The following CAMTA1 variants were observed in gnomAD, a reference collection of about 807,000 sequenced individuals.
CAMTA1 encodes calmodulin-binding transcription activator 1.
In CAMTA1, 27 loss-of-function variants were observed where a neutral mutation model predicts 170.9. That is an observed-to-expected ratio of 0.16 (90% CI 0.12 to 0.22). CAMTA1 has a LOEUF of 0.22. Ranked by LOEUF, CAMTA1 falls within the 10% of genes least tolerant of loss-of-function variation. The pLI is 1.00. For synonymous variants in CAMTA1, 833 were observed against 891.5 expected (o/e 0.93, Z 1.17); for missense variants, 1,619 against 2,217.2 (o/e 0.73, Z 5.42).
intron 5 of CAMTA1, among the ~76,000 whole-genome samples, chr1:7,440,784 G>A (rs1172875028): frequency 1.3e-5 from 2 of 152,230 alleles, no homozygotes; most frequent in Non-Finnish European, 2.9e-5. Flanking sequence ...TGCGGGCCAA[G>A]CGACATCAGC....
chr1:7,111,082 C>G (rs1644008648), intron 4 of CAMTA1, among the ~76,000 whole-genome samples: 1 of 152,218 alleles, frequency 6.6e-6, no homozygotes, highest in Non-Finnish European at 1.5e-5. Context: ...GGTCCCTTCC[C>G]CCATCTTGAG....
Position 7,050,197 on chromosome 1 carries a change from G to A in CAMTA1, c.235-41107G>A, listed in dbSNP as rs1220370581. 6.6e-6 allele frequency among the ~76,000 whole-genome samples: 1 copy of A among 152,222 alleles called. No individual in the cohort carries two copies. Among genetic ancestry groups the A allele is most frequent in the East Asian group, 1.9e-4 (1 of 5,196 alleles). ...ACCGGCAGGGCCACGGAGGACTCAG[G>A]CGGCTGTTCCCGGCCTGCACCCTGG... On this transcript the variant is annotated intron_variant, in intron 3 of 22. Coordinates refer to ENST00000303635, the MANE Select transcript of CAMTA1 (RefSeq NM_015215.4). The surrounding 1 kb of genome is among the most constrained non-coding windows in gnomAD (Gnocchi z 4.8).
At chr1:7,323,124 T>A (rs6686161) in intron 5 of CAMTA1, among the ~76,000 whole-genome samples, 112,619 of 151,156 alleles carry the variant, frequency 0.75, 42,956 homozygotes, top group African/African-American at 0.9. Flanking sequence ...CTCCTTTTTT[T>A]AAAAAATTAA....
chr1:7,362,044 C>T (rs1305501218), intron 5 of CAMTA1, among the ~76,000 whole-genome samples: 1 of 152,234 alleles, frequency 6.6e-6, no homozygotes, highest in Non-Finnish European at 1.5e-5. Flanking sequence ...TTTCTCTATA[C>T]TTGGACAGGG....
rs11587771 is a variant in CAMTA1, at chr1:7,064,942, C to G, written c.235-26362C>G. Among the ~76,000 whole-genome samples, 30,986 of 152,026 alleles carry G rather than the reference C, an allele frequency of 0.2. 3,342 individuals are homozygous for G. The highest frequency in any genetic ancestry group is 0.23 in the Middle Eastern group (68 of 294). ...AGAAGAGGACAGCTTGGGGATGTCC[C>G]TCAGAGTTAGAACCAACAGAGTTTG... On this transcript the variant is annotated intron_variant, in intron 3 of 22. Coordinates refer to ENST00000303635, the MANE Select transcript of CAMTA1 (RefSeq NM_015215.4). This position sits in a 1 kb window ranked among gnomAD's most constrained non-coding sequence, Gnocchi z 5.4.
At chr1:6,980,764 C>T (rs868755027) in intron 3 of CAMTA1, among the ~76,000 whole-genome samples, 1 of 152,192 alleles carries the variant, frequency 6.6e-6, no homozygotes, top group Non-Finnish European at 1.5e-5. Context: ...TTTGCTTCTC[C>T]TTTGCCTTCC....
chr1:7,161,439 A>T (rs1433784623), intron 4 of CAMTA1, among the ~76,000 whole-genome samples: 1 of 152,180 alleles, frequency 6.6e-6, no homozygotes, highest in East Asian at 1.9e-4. Flanking sequence ...CCCAAATCTC[A>T]TCTTGAATTG....
intron 4 of CAMTA1, among the ~76,000 whole-genome samples, chr1:7,163,892 G>A (rs116486947): frequency 0.013 from 1,951 of 152,272 alleles, 46 homozygotes; most frequent in African/African-American, 0.045. Flanking sequence ...CTAATTACTG[G>A]TGCACTCGTT....
chr1:7,705,865 A>G (rs1295080652), intron 11 of CAMTA1, among the ~76,000 whole-genome samples: 1 of 152,186 alleles, frequency 6.6e-6, no homozygotes, highest in Non-Finnish European at 1.5e-5. Flanking sequence ...TTCCCTGCAG[A>G]CTGGCGACCA....
intron 6 of CAMTA1, among the ~76,000 whole-genome samples, chr1:7,618,335 G>T (rs1430713181): frequency 6.6e-6 from 1 of 152,178 alleles, no homozygotes; most frequent in Non-Finnish European, 1.5e-5. Flanking sequence ...AGCCTCAGCA[G>T]CTCCCCACCC....
chr1:7,184,316 A>T (rs980683655), intron 4 of CAMTA1, among the ~76,000 whole-genome samples: 2 of 152,200 alleles, frequency 1.3e-5, no homozygotes, highest in African/African-American at 4.8e-5. Flanking sequence ...CTAACACAAT[A>T]GGGTGTCTAT....
intron 5 of CAMTA1, among the ~76,000 whole-genome samples, chr1:7,298,743 G>T (rs760539877): frequency 6.6e-6 from 1 of 152,152 alleles, no homozygotes; most frequent in Non-Finnish European, 1.5e-5. Flanking sequence ...GCCAGGCATT[G>T]TGTTAGGTTC....
intron 5 of CAMTA1, among the ~76,000 whole-genome samples, chr1:7,255,968 A>T (rs1667310816): frequency 6.6e-6 from 1 of 152,132 alleles, no homozygotes; most frequent in Non-Finnish European, 1.5e-5. Context: ...TAGTCTCATG[A>T]CCGTTTCTAG....
intron 4 of CAMTA1, among the ~76,000 whole-genome samples, chr1:7,114,761 G>A (rs11120850): frequency 0.9 from 85,094 of 94,084 alleles, 38,128 homozygotes; most frequent in African/African-American, 0.92. Flanking sequence ...CCGAAAACCT[G>A]AGACCCAGGA....
At chr1:7,542,887 C>T (rs534142047) in intron 6 of CAMTA1, among the ~76,000 whole-genome samples, 10 of 61,680 alleles carry the variant, frequency 1.6e-4, no homozygotes, top group East Asian at 1.1e-3. Flanking sequence ...GTGTTTGAGC[C>T]GGAGTCTTGC....
chr1:7,103,337 C>G (rs940162821), intron 4 of CAMTA1, among the ~76,000 whole-genome samples: 5 of 151,846 alleles, frequency 3.3e-5, no homozygotes, highest in African/African-American at 1.2e-4. Context: ...CATATACACA[C>G]AACTACACAC....
In CAMTA1 at chr1:6,896,598, G is replaced by A. The variant is rs116684256; in HGVS notation, c.234+71388G>A. Among the ~76,000 whole-genome samples, 1,356 of 152,242 alleles carry A rather than the reference G, an allele frequency of 8.9e-3. 11 individuals carry two copies. The highest frequency in any genetic ancestry group is 0.013 in the Non-Finnish European group (868 of 68,016). On this transcript the variant is annotated intron_variant, in intron 3 of 22. Transcript: ENST00000303635. Reference sequence around the variant, plus strand: ...GTTTTCCACCTGGCAACATCCAAGCGTTCAGGAGGAAAACATGGTAATGGC... The same window carrying A: ...GTTTTCCACCTGGCAACATCCAAGCATTCAGGAGGAAAACATGGTAATGGC...
chr1:6,958,345 C>G (rs1237892471), intron 3 of CAMTA1, among the ~76,000 whole-genome samples: 1 of 152,238 alleles, frequency 6.6e-6, no homozygotes, highest in Non-Finnish European at 1.5e-5. Flanking sequence ...TGAAAACTTT[C>G]ACCATTCTGG....
chr1:7,147,275 T>C (rs1646256495), intron 4 of CAMTA1, among the ~76,000 whole-genome samples: 1 of 151,920 alleles, frequency 6.6e-6, no homozygotes, highest in Non-Finnish European at 1.5e-5. Flanking sequence ...AAAAACAAAA[T>C]TAGCTGGGTG....
Sources: allele counts gnomAD v4.1 joint callset (sites outside exome capture counted in the v4.1 genomes callset), GRCh38; gene constraint gnomAD v4.1.1; non-coding constraint Gnocchi (gnomAD v3.1); transcripts MANE v1.5; gene names NCBI Gene and HGNC (gene_info 2026-07-23, HGNC 2026-07-21).